The following IRF2 variants were observed in gnomAD, a reference collection of about 807,000 sequenced individuals.
IRF2 encodes the protein interferon regulatory factor 2.
IRF2 carries 15 observed loss-of-function variants against 40.6 expected under a neutral mutation model. The observed-to-expected ratio is 0.37, with a 90% CI of 0.25 to 0.57. The LOEUF is 0.57. Among genes scored for constraint, IRF2 ranks in the 20% least tolerant of loss-of-function variants. IRF2 has a pLI of 0.77. For synonymous variants in IRF2, 151 were observed against 165.5 expected (o/e 0.91, Z 0.67); for missense variants, 317 against 455.7 (o/e 0.70, Z 2.77).
intron 1 of IRF2, among the ~76,000 whole-genome samples, chr4:184,447,359 T>C (rs142009768): frequency 5.1e-4 from 77 of 152,130 alleles, no homozygotes; most frequent in African/African-American, 1.8e-3. Flanking sequence ...AATAAATAAA[T>C]AGGGGAATGA....
At chr4:184,461,673 C>A (rs1339231684) in intron 1 of IRF2, among the ~76,000 whole-genome samples, 1 of 117,864 alleles carries the variant, frequency 8.5e-6, no homozygotes, top group Admixed American at 8.4e-5. Flanking sequence ...GCTGAGCACT[C>A]TCCTCTACCC....
Position 184,445,858 on chromosome 4 carries a change from G to A in IRF2, c.-6-16788C>T, listed in dbSNP as rs372107356. On this transcript the variant is annotated intron_variant, in intron 1 of 8. Coordinates refer to ENST00000393593, the MANE Select transcript of IRF2 (RefSeq NM_002199.4). ...CAACATTCGTGTCCACCTGGAGCCT[G>A]TGAATGTGACCTTTTCTGCATATGG... Among the ~76,000 whole-genome samples, 4 of 152,256 alleles carry A rather than the reference G, an allele frequency of 2.6e-5. No homozygotes were observed. The East Asian group carries it at 5.8e-4, about 22-fold the overall frequency.
intron 6 of IRF2, among the ~76,000 whole-genome samples, chr4:184,403,189 C>G (rs1349074074): frequency 6.6e-6 from 1 of 152,152 alleles, no homozygotes; most frequent in Non-Finnish European, 1.5e-5. Context: ...GAGTGAAAGC[C>G]CATGAGAGAA....
At position 184,415,527 on chromosome 4, in the gene IRF2, A is replaced by C. The variant is rs1737235474; in HGVS notation, c.411+2640T>G. On this transcript the variant is annotated intron_variant, in intron 5 of 8. Coordinates refer to ENST00000393593, the MANE Select transcript of IRF2 (RefSeq NM_002199.4). ...CATGGCATGAACTACTAAGATGTACATTTCCTCGCATTGCCACATCCCTGA... is the reference window on the plus strand; with the variant it reads ...CATGGCATGAACTACTAAGATGTACCTTTCCTCGCATTGCCACATCCCTGA... Among the ~76,000 whole-genome samples, 6 of 152,302 alleles carry C rather than the reference A, an allele frequency of 3.9e-5. No homozygotes were observed. The South Asian group carries it at 1.2e-3, about 32-fold the overall frequency.
intron 1 of IRF2, among the ~76,000 whole-genome samples, chr4:184,465,996 A>C (rs1194804671): frequency 1.3e-5 from 2 of 150,654 alleles, no homozygotes; most frequent in African/African-American, 4.9e-5. Flanking sequence ...CCACTCAGTG[A>C]CCCACACTAC....
intron 1 of IRF2, 107 bp from the exon 2 acceptor site, chr4:184,429,177 G>A (rs1396530454): frequency 2.6e-6 from 2 of 780,020 alleles, no homozygotes; most frequent in African/African-American, 1.7e-5. Context: ...CTTTCCTGGG[G>A]CTGGGGACCA....
chr4:184,456,072 TG>T (rs1293776960), intron 1 of IRF2, among the ~76,000 whole-genome samples: 2 of 151,946 alleles, frequency 1.3e-5, no homozygotes. Context: ...CACACCGGAG[TG>T]GGTGCCTGCC....
rs1345784475 is a variant in IRF2, at chr4:184,428,790, C to A, written c.87+188G>T. On this transcript the variant is annotated intron_variant, in intron 2 of 8. Transcript: ENST00000393593. ...CTCCAGCGTGGGCCATATAGTGAGA[C>A]CCTGTCTCTAAAAGAAAAAAAGCCT... The A allele has an allele frequency of 1.0e-5, 6 of 602,368 alleles. No individual in the cohort carries two copies. The East Asian group carries it at 1.6e-4, about 16-fold the overall frequency. 37.3% of individuals were successfully genotyped at this position (602,368 alleles called of 1,614,324 possible). A position where few individuals can be genotyped will look rare whatever the true frequency, so the allele number is the denominator to read the frequency against.
intron 8 of IRF2, among the ~76,000 whole-genome samples, chr4:184,390,440 T>G (rs1561079151): frequency 1.3e-5 from 2 of 152,206 alleles, no homozygotes; most frequent in Non-Finnish European, 2.9e-5. Context: ...TCCACTTCAA[T>G]TCCCTTTTCC....
At chr4:184,424,310 C>T in intron 2 of IRF2, among the ~76,000 whole-genome samples, 1 of 152,160 alleles carries the variant, frequency 6.6e-6, no homozygotes, top group East Asian at 1.9e-4. Context: ...ATTCCATTCC[C>T]ACCCTCCTTC....
At position 184,388,303 on chromosome 4, in the gene IRF2, G is replaced by C. The variant is rs1049343732; in HGVS notation, c.*455C>G. ...GGGGTGCTGAGTGTGCTGTGAGATA[G>C]AGCAAGATCACAAGAAGGCCTATCT... On this transcript the variant is annotated 3_prime_UTR_variant, in exon 9 of 9. Coordinates refer to ENST00000393593, the MANE Select transcript of IRF2 (RefSeq NM_002199.4). This position sits in a 1 kb window ranked among gnomAD's most constrained non-coding sequence, Gnocchi z 4.6. 4.3e-5 allele frequency: 7 copies of C among 161,130 alleles called. No individual in the cohort carries two copies. Among genetic ancestry groups the C allele is most frequent in the African/African-American group, 1.4e-4 (6 of 41,488 alleles). 10.0% of individuals were successfully genotyped at this position (161,130 alleles called of 1,614,324 possible).
intron 1 of IRF2, among the ~76,000 whole-genome samples, chr4:184,453,249 C>T (rs1407277116): frequency 6.6e-6 from 1 of 152,116 alleles, no homozygotes; most frequent in Non-Finnish European, 1.5e-5. Context: ...GCCATTAAGA[C>T]CTAAAAGGGT....
intron 1 of IRF2, among the ~76,000 whole-genome samples, chr4:184,444,840 T>G (rs370720415): frequency 6.6e-6 from 1 of 152,364 alleles, no homozygotes; most frequent in East Asian, 1.9e-4. Flanking sequence ...CAGTTGACCA[T>G]GGGTAACTGT....
chr4:184,397,756 C>T (rs924607971), intron 7 of IRF2, among the ~76,000 whole-genome samples: 5 of 152,230 alleles, frequency 3.3e-5, no homozygotes, highest in African/African-American at 1.2e-4. Context: ...AGGATGGGGA[C>T]TCTGCTTTTT....
In IRF2 at chr4:184,437,833, A is replaced by T. The variant is rs1223790598; in HGVS notation, c.-6-8763T>A. Among the ~76,000 whole-genome samples, 3 of 21,250 alleles carry T rather than the reference A, an allele frequency of 1.4e-4. No individual in the cohort carries two copies. In the Admixed American group the frequency reaches 2.0e-3, roughly 14 times the overall value. 13.9% of individuals were successfully genotyped at this position (21,250 alleles called of 152,430 possible). The stretch of plus-strand genomic sequence containing the variant: ...AGGACAGTGGCTATTGGAACGTACA[A>T]AAAAAAAAAAAAAAACCCACACACA... On this transcript the variant is annotated intron_variant, in intron 1 of 8. Coordinates refer to ENST00000393593, the MANE Select transcript of IRF2 (RefSeq NM_002199.4).
Position 184,407,142 on chromosome 4 carries a change from C to T in IRF2, c.529+1016G>A, listed in dbSNP as rs561224339. On this transcript the variant is annotated intron_variant, in intron 6 of 8. Coordinates refer to ENST00000393593, the MANE Select transcript of IRF2 (RefSeq NM_002199.4). The stretch of plus-strand genomic sequence containing the variant: ...GCACCTGCAAACTTTTTACACTGCC[C>T]GGGAGATGGTTTAAATACAAAAAAA... The T allele has an allele frequency of 5.2e-4, 653 of 1,264,820 alleles. 1 individual carries two copies. The highest frequency in any genetic ancestry group is 6.1e-4 in the Non-Finnish European group (593 of 966,904). 78.3% of individuals were successfully genotyped at this position (1,264,820 alleles called of 1,614,324 possible).
At chr4:184,467,264 A>G (rs1739359366) in intron 1 of IRF2, among the ~76,000 whole-genome samples, 1 of 152,220 alleles carries the variant, frequency 6.6e-6, no homozygotes, top group South Asian at 2.1e-4. Context: ...TCTTTCAGTG[A>G]CATTTATGCA....
intron 6 of IRF2, among the ~76,000 whole-genome samples, chr4:184,406,654 G>A (rs1346227121): frequency 2.6e-5 from 4 of 152,300 alleles, no homozygotes; most frequent in African/African-American, 7.2e-5. Context: ...CTGTGTCACC[G>A]CTGGCCATCC....
rs1296920914 is a variant in IRF2 at position 184,389,120 on chromosome 4, TTTTAAAAATGCATCAC to T, written c.742-70_742-55del. ...TTCCTTCTCCTTCTATTGGATGGCTTTTTAAAAATGCATCACTGGCCAGGTGTGGTGGCTCATGCCT... is the reference window on the plus strand; with the variant it reads ...TTCCTTCTCCTTCTATTGGATGGCTTTGGCCAGGTGTGGTGGCTCATGCCT... On this transcript the variant is annotated intron_variant, in intron 8 of 8. Transcript: ENST00000393593. 15 of 1,563,082 alleles carry T rather than the reference TTTTAAAAATGCATCAC, an allele frequency of 9.6e-6. No homozygotes were observed. The Admixed American group carries it at 1.7e-4, about 18-fold the overall frequency.
Sources: gnomAD v4.1 joint callset for allele counts (sites outside exome capture counted in the v4.1 genomes callset) on GRCh38, gnomAD v4.1.1 for gene constraint, Gnocchi (gnomAD v3.1) non-coding constraint, MANE v1.5 for transcripts, NCBI Gene and HGNC (gene_info 2026-07-23, HGNC 2026-07-21) for gene names.